MAGT1: variants seen among roughly 807,000 people sequenced by gnomAD.
MAGT1 encodes the protein dolichyl-diphosphooligosaccharide--protein glycosyltransferase subunit MAGT1.
In MAGT1, 4 loss-of-function variants were observed where a neutral mutation model predicts 28.4. That is an observed-to-expected ratio of 0.14 (90% CI 0.07 to 0.32). The LOEUF (loss-of-function observed/expected upper bound fraction) is 0.32. Ranked by LOEUF, MAGT1 falls within the 10% of genes least tolerant of loss-of-function variation. The probability of loss-of-function intolerance (pLI) is 1.00; values close to 1 mark genes in which losing one functional copy is unlikely to be tolerated. For missense variants in MAGT1, 193 were observed against 264.5 expected (o/e 0.73, Z 1.88); for synonymous variants, 89 against 89.7 (o/e 0.99, Z 0.04).
intron 8 of MAGT1, among the ~76,000 whole-genome samples, chrX:77,838,816 T>A (rs782573845): frequency 9.7e-6 from 1 of 103,567 alleles, no homozygotes; most frequent in Admixed American, 1.0e-4. Context: ...CTCTAACAGA[T>A]AAATGGCAAA....
At chrX:77,834,742 C>T (rs1459612951) in intron 8 of MAGT1, among the ~76,000 whole-genome samples, 2 of 110,228 alleles carry the variant, frequency 1.8e-5, no homozygotes, top group South Asian at 7.7e-4. Flanking sequence ...GAAGCACAGG[C>T]AACCAAAGCA....
intron 3 of MAGT1, among the ~76,000 whole-genome samples, chrX:77,861,656 C>T (rs1243871942): frequency 1.8e-5 from 2 of 112,251 alleles, no homozygotes; most frequent in Non-Finnish European, 3.8e-5. Context: ...ACCTAAGTAT[C>T]CACTGACAGA....
At chrX:77,880,169 C>T (rs782597287) in intron 1 of MAGT1, among the ~76,000 whole-genome samples, 2 of 108,965 alleles carry the variant, frequency 1.8e-5, no homozygotes, top group East Asian at 5.8e-4. Flanking sequence ...CTGAATTCAT[C>T]TAATACTGAC....
rs190329765 is a variant in MAGT1 at position 77,892,147 on chromosome X, G to A, written c.102+3162C>T. On this transcript the variant is annotated intron_variant, in intron 1 of 9. Coordinates refer to ENST00000618282, the MANE Select transcript of MAGT1 (RefSeq NM_001367916.1). Reference sequence around the variant, plus strand: ...TGACCTCAAGTGATCCACCCGCCTCGGCCTCCCAAAGTGCTGGGATTACAG... The same window carrying A: ...TGACCTCAAGTGATCCACCCGCCTCAGCCTCCCAAAGTGCTGGGATTACAG... 4.2e-3 allele frequency among the ~76,000 whole-genome samples: 462 copies of A among 110,629 alleles called. 3 individuals are homozygous for A. The highest frequency in any genetic ancestry group is 0.014 in the African/African-American group (431 of 30,441).
intron 1 of MAGT1, among the ~76,000 whole-genome samples, chrX:77,878,289 C>CAAAAAAA (rs1205547369): frequency 2.7e-4 from 4 of 15,064 alleles, no homozygotes; most frequent in Admixed American, 1.0e-3. Context: ...AACTCTGATG[C>CAAAAAAA]AAAAAAAAAA....
chrX:77,867,098 T>C (rs1603362809), intron 3 of MAGT1, among the ~76,000 whole-genome samples: 1 of 66,397 alleles, frequency 1.5e-5, no homozygotes, highest in East Asian at 4.6e-4. Context: ...ATAATAAAAC[T>C]CCAGTCTCCC....
Position 77,877,847 on chromosome X carries a change from TAAAATAAAATAAAATAAAATAAA to T in MAGT1, c.103-2273_103-2251del, listed in dbSNP as rs1557218013. 6.5e-4 allele frequency among the ~76,000 whole-genome samples: 68 copies of T among 105,377 alleles called. 2 individuals carry two copies. The highest frequency in any genetic ancestry group is 1.0e-3 in the Admixed American group (10 of 9,529). 91.5% of individuals were successfully genotyped at this position (105,377 alleles called of 115,157 possible). On this transcript the variant is annotated intron_variant, in intron 1 of 9. Transcript: ENST00000618282. ...TAAAATAAAATAAAATAAAATAAAA[TAAAATAAAATAAAATAAAATAAA>T]ATATACTGACAATATCAAATGCTGG...
chrX:77,876,132 TTATATATATATATATATATA>T (rs1222026237), intron 1 of MAGT1, among the ~76,000 whole-genome samples: 1 of 34,085 alleles, frequency 2.9e-5, no homozygotes, highest in African/African-American at 1.6e-4. Flanking sequence ...CACCTGGCCT[TTATATATATATATATATATA>T]TATATATATA....
upstream of MAGT1, chrX:77,895,456 T>C (rs2077096476): frequency 8.3e-7 from 1 of 1,197,883 alleles, no homozygotes; most frequent in Non-Finnish European, 1.1e-6. Context: ...TCCGGCTAGG[T>C]CTGAGGGTGG....
At chrX:77,877,938 G>T (rs2077040400) in intron 1 of MAGT1, among the ~76,000 whole-genome samples, 1 of 109,933 alleles carries the variant, frequency 9.1e-6, no homozygotes, top group Non-Finnish European at 1.9e-5. Context: ...TCACTGGTGG[G>T]AATGTAGTAT....
intron 3 of MAGT1, among the ~76,000 whole-genome samples, chrX:77,858,865 T>C (rs1557216230): frequency 8.9e-6 from 1 of 111,979 alleles, no homozygotes; most frequent in African/African-American, 3.2e-5. Flanking sequence ...AAACTCTTTA[T>C]TCAATATTTG....
chrX:77,836,241 G>A (rs1227515478), intron 8 of MAGT1, among the ~76,000 whole-genome samples: 2 of 111,307 alleles, frequency 1.8e-5, no homozygotes, highest in South Asian at 3.8e-4. Context: ...GGCTGGGAAC[G>A]GTAGTTGGGG....
chrX:77,875,698 G>T, intron 1 of MAGT1, 101 bp from the exon 2 acceptor site: 3 of 894,350 alleles, frequency 3.4e-6, no homozygotes, highest in Non-Finnish European at 4.8e-6. Flanking sequence ...ACAAGCAGAG[G>T]TATACAGAAA....
chrX:77,871,978 C>T (rs1453180651), intron 2 of MAGT1, among the ~76,000 whole-genome samples: 1 of 111,341 alleles, frequency 9.0e-6, no homozygotes, highest in Non-Finnish European at 1.9e-5. Context: ...TTGCTATCAT[C>T]TAAGGTCAGA....
chrX:77,844,698 T>G (rs782644727), intron 7 of MAGT1, among the ~76,000 whole-genome samples: 1 of 112,003 alleles, frequency 8.9e-6, no homozygotes, highest in East Asian at 2.8e-4. Context: ...CATTTTGTTA[T>G]GTACCCAGTA....
At chrX:77,895,198 G>C (rs1413877497) in intron 1 of MAGT1, 111 bp downstream of exon 1, 7 of 824,948 alleles carry the variant, frequency 8.5e-6, no homozygotes, top group Admixed American at 2.6e-5. Context: ...CGTAATTGAA[G>C]CCACCAAAGG....
chrX:77,878,058 G>C (rs1465266444), intron 1 of MAGT1, among the ~76,000 whole-genome samples: 16 of 104,946 alleles, frequency 1.5e-4, no homozygotes, highest in African/African-American at 5.5e-4. Flanking sequence ...GAGGCGGGTG[G>C]ATCGCTTGAG....
chrX:77,870,165 C>T (rs782408536), intron 3 of MAGT1, among the ~76,000 whole-genome samples: 3 of 111,227 alleles, frequency 2.7e-5, no homozygotes, highest in African/African-American at 6.5e-5. Context: ...AACCAAATAT[C>T]GTTATGTTCT....
chrX:77,860,703 A>C (rs1012715047), intron 3 of MAGT1, among the ~76,000 whole-genome samples: 6 of 111,584 alleles, frequency 5.4e-5, no homozygotes, highest in Admixed American at 4.7e-4. Context: ...AATTGCTTGA[A>C]CCTGGGAGGC....
Sources: gnomAD v4.1 joint callset for allele counts (sites outside exome capture counted in the v4.1 genomes callset) on GRCh38, gnomAD v4.1.1 for gene constraint, MANE v1.5 for transcripts, NCBI Gene and HGNC (gene_info 2026-07-23, HGNC 2026-07-21) for gene names.